MEI4: variants seen among roughly 807,000 people sequenced by gnomAD.
The protein encoded by MEI4 is meiotic double-stranded break formation protein 4.
MEI4 carries 27 observed loss-of-function variants against 31.4 expected under a neutral mutation model. The observed-to-expected ratio is 0.86, with a 90% CI of 0.63 to 1.19. The LOEUF (loss-of-function observed/expected upper bound fraction) is 1.19. MEI4 is among the 50% of genes most tolerant of loss of function. The pLI is 0.00. For synonymous variants in MEI4, 122 were observed against 145.4 expected (o/e 0.84, Z 1.16); for missense variants, 329 against 398.9 (o/e 0.82, Z 1.49).
At chr6:77,771,411 A>C (rs10455340) in intron 3 of MEI4, among the ~76,000 whole-genome samples, 41,728 of 151,980 alleles carry the variant, frequency 0.27, 6,627 homozygotes, top group South Asian at 0.39. Context: ...AGGAATTACT[A>C]TTTTACCTGG....
At chr6:77,837,861 C>T (rs1384413956) in intron 4 of MEI4, among the ~76,000 whole-genome samples, 1 of 151,986 alleles carries the variant, frequency 6.6e-6, no homozygotes, top group African/African-American at 2.4e-5. Flanking sequence ...TTAAAAGGTG[C>T]TTATTATCCT....
chr6:77,866,740 C>G (rs1327310492), intron 4 of MEI4, among the ~76,000 whole-genome samples: 2 of 152,064 alleles, frequency 1.3e-5, no homozygotes, highest in Non-Finnish European at 2.9e-5. Flanking sequence ...TCATATGGAA[C>G]CAAAAAAGAG....
At chr6:77,865,034 G>A (rs553823999) in intron 4 of MEI4, among the ~76,000 whole-genome samples, 120 of 152,168 alleles carry the variant, frequency 7.9e-4, no homozygotes, top group Non-Finnish European at 1.5e-3. Flanking sequence ...TGAAACCAAC[G>A]AGAACAAAGA....
intron 4 of MEI4, among the ~76,000 whole-genome samples, chr6:77,908,390 A>G (rs1438198495): frequency 6.6e-6 from 1 of 152,152 alleles, no homozygotes; most frequent in Non-Finnish European, 1.5e-5. Context: ...TCCCAGCACC[A>G]TTTATTAAAT....
At chr6:77,841,993 A>C (rs1440781357) in intron 4 of MEI4, among the ~76,000 whole-genome samples, 2 of 152,164 alleles carry the variant, frequency 1.3e-5, no homozygotes, top group African/African-American at 2.4e-5. Flanking sequence ...GTTATACTTG[A>C]AGGTTTCATT....
intron 4 of MEI4, among the ~76,000 whole-genome samples, chr6:77,866,890 A>G (rs539027421): frequency 6.6e-6 from 1 of 152,334 alleles, no homozygotes; most frequent in East Asian, 1.9e-4. Context: ...GACCAATGGA[A>G]CAGAACAGAG....
At chr6:77,873,386 G>T (rs932323904) in intron 4 of MEI4, among the ~76,000 whole-genome samples, 4 of 152,092 alleles carry the variant, frequency 2.6e-5, no homozygotes, top group African/African-American at 9.7e-5. Flanking sequence ...GTGTTTTTTG[G>T]CTGCATAAAT....
chr6:77,658,658 G>T (rs1768444566), intron 1 of MEI4, among the ~76,000 whole-genome samples: 1 of 152,090 alleles, frequency 6.6e-6, no homozygotes, highest in Admixed American at 6.5e-5. Context: ...GGGTGATATT[G>T]TGGGGATGTT....
At chr6:77,704,264 C>G (rs1444421515) in intron 2 of MEI4, among the ~76,000 whole-genome samples, 1 of 152,100 alleles carries the variant, frequency 6.6e-6, no homozygotes, top group Admixed American at 6.5e-5. Context: ...CCCCCAGTGC[C>G]CTTTATTCAG....
chr6:77,818,446 G>C (rs911227275), intron 3 of MEI4, among the ~76,000 whole-genome samples: 3 of 152,066 alleles, frequency 2.0e-5, no homozygotes, highest in Admixed American at 6.6e-5. Context: ...ATCAACACCA[G>C]TAGAAGTCTA....
At chr6:77,746,367 A>G (rs572553690) in intron 2 of MEI4, among the ~76,000 whole-genome samples, 41 of 152,158 alleles carry the variant, frequency 2.7e-4, no homozygotes, top group Non-Finnish European at 5.3e-4. Flanking sequence ...CTCATCCAAT[A>G]AGTGGAAGCC....
chr6:77,662,634 C>T (rs1768534228), intron 1 of MEI4, among the ~76,000 whole-genome samples: 1 of 152,140 alleles, frequency 6.6e-6, no homozygotes, highest in Non-Finnish European at 1.5e-5. Flanking sequence ...GCAGCGGCAG[C>T]CACTGCACGC....
intron 2 of MEI4, among the ~76,000 whole-genome samples, chr6:77,759,462 T>C (rs2127681531): frequency 1.3e-5 from 2 of 152,318 alleles, no homozygotes; most frequent in East Asian, 3.9e-4. Flanking sequence ...AAGGATCATC[T>C]CTGACTAGAT....
intron 2 of MEI4, among the ~76,000 whole-genome samples, chr6:77,706,666 G>C (rs1176697922): frequency 6.6e-6 from 1 of 152,178 alleles, no homozygotes; most frequent in East Asian, 1.9e-4. Flanking sequence ...TCATGGGGAT[G>C]GATCCCTCAA....
intron 3 of MEI4, among the ~76,000 whole-genome samples, chr6:77,803,858 C>T (rs1402026549): frequency 6.6e-6 from 1 of 152,130 alleles, no homozygotes; most frequent in Non-Finnish European, 1.5e-5. Context: ...AGTACCCAGC[C>T]ATGTGAGTTG....
In MEI4 at chr6:77,692,892, A is replaced by C. The variant is rs150076058; in HGVS notation, c.232+1989A>C. ...GAGCATGCTAGAACTACAGACACAG[A>C]CTTAGGATCTGTTGGATTTAAGGAA... is the stretch of plus-strand genomic sequence containing the variant. On this transcript the variant is annotated intron_variant, in intron 2 of 4. Transcript: ENST00000684080. Among the ~76,000 whole-genome samples the C allele has an allele frequency of 3.4e-3, 515 of 152,090 alleles. 2 individuals are homozygous for C. The highest frequency in any genetic ancestry group is 0.012 in the African/African-American group (501 of 41,520).
chr6:77,801,295 T>G (rs950543969), intron 3 of MEI4, among the ~76,000 whole-genome samples: 22 of 152,212 alleles, frequency 1.4e-4, no homozygotes, highest in African/African-American at 5.1e-4. Context: ...TGTTTATAGT[T>G]TTCTCTGATG....
intron 4 of MEI4, among the ~76,000 whole-genome samples, chr6:77,877,230 C>G (rs922027692): frequency 1.3e-5 from 2 of 149,944 alleles, no homozygotes; most frequent in East Asian, 3.9e-4. Context: ...GTGTCACTAG[C>G]TACCAACAGG....
intron 3 of MEI4, among the ~76,000 whole-genome samples, chr6:77,763,725 T>C (rs924973364): frequency 3.3e-5 from 5 of 152,226 alleles, no homozygotes; most frequent in African/African-American, 1.2e-4. Flanking sequence ...TGGCCATTTT[T>C]ATTTTCAGGA....
Sources: gnomAD v4.1 joint callset for allele counts (sites outside exome capture counted in the v4.1 genomes callset) on GRCh38, gnomAD v4.1.1 for gene constraint, MANE v1.5 for transcripts, NCBI Gene and HGNC (gene_info 2026-07-23, HGNC 2026-07-21) for gene names.